Variants in ADD3 observed in about 807,000 individuals in gnomAD.
ADD3 encodes the protein gamma-adducin.
A neutral mutation model predicts 80.2 loss-of-function variants in ADD3; 25 were observed. That is an observed-to-expected ratio of 0.31 (90% CI 0.23 to 0.44). The LOEUF (loss-of-function observed/expected upper bound fraction) is 0.44, where lower values mean the gene tolerates loss of function less well. ADD3 is among the 20% of genes least tolerant of loss of function. The pLI is 1.00. For missense variants in ADD3, 829 were observed against 847.5 expected (o/e 0.98, Z 0.27); for synonymous variants, 284 against 289.6 (o/e 0.98, Z 0.20).
chr10:110,088,542 G>A (rs534305112), intron 1 of ADD3, among the ~76,000 whole-genome samples: 6 of 152,320 alleles, frequency 3.9e-5, no homozygotes, highest in African/African-American at 1.2e-4. Context: ...ATCTTGAAAT[G>A]TTCCTTAGCA....
At chr10:110,069,700 A>T (rs557713725) in intron 1 of ADD3, among the ~76,000 whole-genome samples, 1 of 152,288 alleles carries the variant, frequency 6.6e-6, no homozygotes, top group African/African-American at 2.4e-5. Context: ...GAACATTCTT[A>T]TGCCTCTTTT....
intron 1 of ADD3, among the ~76,000 whole-genome samples, chr10:110,066,455 G>A (rs1564918943): frequency 6.6e-6 from 1 of 151,978 alleles, no homozygotes; most frequent in African/African-American, 2.4e-5. Flanking sequence ...GGATGGTCTC[G>A]ATCTCCTGAC....
At chr10:110,115,163 G>T (rs920484235) in intron 3 of ADD3, among the ~76,000 whole-genome samples, 2 of 152,030 alleles carry the variant, frequency 1.3e-5, no homozygotes, top group Admixed American at 6.6e-5. Flanking sequence ...GCCAAGGCAG[G>T]TGGATCATCT....
At chr10:110,011,869 G>A (rs1852375421) in intron 1 of ADD3, among the ~76,000 whole-genome samples, 1 of 152,198 alleles carries the variant, frequency 6.6e-6, no homozygotes, top group Non-Finnish European at 1.5e-5. Context: ...AGGTCTTTCA[G>A]GTTCTGCCAG....
chr10:110,058,329 A>T (rs373152739), intron 1 of ADD3, among the ~76,000 whole-genome samples: 1 of 152,322 alleles, frequency 6.6e-6, no homozygotes, highest in South Asian at 2.1e-4. Flanking sequence ...TCCTGTGAAC[A>T]GGAAATTTCC....
At chr10:110,090,570 T>C (rs1052731298) in intron 1 of ADD3, among the ~76,000 whole-genome samples, 1 of 152,226 alleles carries the variant, frequency 6.6e-6, no homozygotes, top group Non-Finnish European at 1.5e-5. Flanking sequence ...TTATGAACAA[T>C]GTGTGTGTTA....
At chr10:110,043,023 G>A (rs758910283) in intron 1 of ADD3, among the ~76,000 whole-genome samples, 1 of 152,116 alleles carries the variant, frequency 6.6e-6, no homozygotes, top group Non-Finnish European at 1.5e-5. Context: ...GGCATGCACT[G>A]GCCTAGTAAT....
intron 1 of ADD3, among the ~76,000 whole-genome samples, chr10:110,046,161 G>A (rs928292553): frequency 5.9e-5 from 9 of 152,124 alleles, no homozygotes; most frequent in Non-Finnish European, 7.3e-5. Flanking sequence ...AGCTACTGTT[G>A]CCACCATTTC....
At chr10:110,089,689 A>G (rs1847229624) in intron 1 of ADD3, among the ~76,000 whole-genome samples, 1 of 151,640 alleles carries the variant, frequency 6.6e-6, no homozygotes, top group Non-Finnish European at 1.5e-5. Flanking sequence ...ATATATATAT[A>G]TGTACACACA....
At chr10:110,038,069 CAAAAAAAAAA>C (rs754609555) in intron 1 of ADD3, among the ~76,000 whole-genome samples, 4 of 43,894 alleles carry the variant, frequency 9.1e-5, no homozygotes, top group East Asian at 7.6e-4. Context: ...AACTCCGTCT[CAAAAAAAAAA>C]AAAAAAAAAA....
Position 110,118,569 on chromosome 10 carries a change from CCTT to C in ADD3, c.568-15_568-13del, listed in dbSNP as rs766999194. The C allele has an allele frequency of 4.3e-6, 7 of 1,610,462 alleles. No individual in the cohort carries two copies. In the South Asian group the frequency reaches 5.5e-5, roughly 13 times the overall value. ...ATACGTATATACCAGTTAAATATGT[CCTT>C]CTGATTTTTTCCAGGTGAAAGTCAA... On this transcript the variant is annotated splice_polypyrimidine_tract_variant and intron_variant, in intron 5 of 14. Transcript: ENST00000356080.
At chr10:110,121,337 A>G (rs1367429773) in intron 8 of ADD3, among the ~76,000 whole-genome samples, 2 of 151,896 alleles carry the variant, frequency 1.3e-5, no homozygotes, top group African/African-American at 4.8e-5. Context: ...TACAAAATTA[A>G]CAGGGCGTGG....
At chr10:110,013,275 G>A (rs1010892158) in intron 1 of ADD3, among the ~76,000 whole-genome samples, 9 of 151,724 alleles carry the variant, frequency 5.9e-5, no homozygotes, top group Admixed American at 5.2e-4. Context: ...GCTCATTTTT[G>A]TATTTTTAGT....
intron 1 of ADD3, among the ~76,000 whole-genome samples, chr10:109,998,008 T>C (rs1355242044): frequency 1.4e-4 from 22 of 152,234 alleles, no homozygotes; most frequent in Non-Finnish European, 4.4e-5. Context: ...TGACCATCAA[T>C]GTTCTAGACT....
intron 1 of ADD3, among the ~76,000 whole-genome samples, chr10:110,036,399 G>A (rs1221977958): frequency 1.7e-5 from 1 of 57,436 alleles, no homozygotes; most frequent in Non-Finnish European, 2.9e-5. Flanking sequence ...TTTTTTTCTT[G>A]AGACGAGTCT....
chr10:110,065,795 CT>C (rs1843879191), intron 1 of ADD3, among the ~76,000 whole-genome samples: 1 of 151,696 alleles, frequency 6.6e-6, no homozygotes, highest in Non-Finnish European at 1.5e-5. Context: ...CTGCCTCAGC[CT>C]CCCAAAGTGC....
chr10:110,009,198 C>A (rs1852030052), intron 1 of ADD3, among the ~76,000 whole-genome samples: 1 of 152,022 alleles, frequency 6.6e-6, no homozygotes, highest in Non-Finnish European at 1.5e-5. Context: ...TTTAACTTAG[C>A]CAAGAGGCTT....
At chr10:110,068,548 T>C (rs1464196158) in intron 1 of ADD3, among the ~76,000 whole-genome samples, 1 of 152,192 alleles carries the variant, frequency 6.6e-6, no homozygotes, top group African/African-American at 2.4e-5. Context: ...TGGATTTTGG[T>C]GGCCATGGGA....
At chr10:110,007,095 T>C (rs1851698761), upstream of ADD3, among the ~76,000 whole-genome samples, 1 of 152,108 alleles carries the variant, frequency 6.6e-6, no homozygotes, top group African/African-American at 2.4e-5. Context: ...GTGTCACCTG[T>C]GGATGGATCC....
Sources: allele counts gnomAD v4.1 joint callset (sites outside exome capture counted in the v4.1 genomes callset), GRCh38; gene constraint gnomAD v4.1.1; transcripts MANE v1.5; gene names NCBI Gene and HGNC (gene_info 2026-07-23, HGNC 2026-07-21).